Variants in TNC observed in about 807,000 individuals in gnomAD.
TNC encodes tenascin.
TNC carries 109 observed loss-of-function variants against 202.4 expected under a neutral mutation model. The ratio of observed to expected loss-of-function variants is 0.54; its 90% CI spans 0.46 to 0.63. TNC has a LOEUF of 0.63. Ranked by LOEUF, TNC falls within the 30% of genes least tolerant of loss-of-function variation. The pLI, the probability that TNC is intolerant of heterozygous loss-of-function variation, is 0.00. For synonymous variants in TNC, 1,007 were observed against 1,089.7 expected, an observed-to-expected ratio of 0.92 and a Z score of 1.50; for missense variants, 2,756 against 2,833.3, an observed-to-expected ratio of 0.97 and a Z score of 0.62.
intron 1 of TNC, among the ~76,000 whole-genome samples, chr9:115,116,064 T>C (rs1837440262): frequency 6.6e-6 from 1 of 152,206 alleles, no homozygotes; most frequent in South Asian, 2.1e-4. Flanking sequence ...GTGTTTGCCA[T>C]ATATTACCTC....
intron 16 of TNC, among the ~76,000 whole-genome samples, chr9:115,047,650 G>C (rs1294845891): frequency 6.6e-6 from 1 of 152,112 alleles, no homozygotes; most frequent in Non-Finnish European, 1.5e-5. Context: ...TGAACATTCT[G>C]TGGAGCTAGT....
At chr9:115,102,322 C>G (rs1443096866) in intron 1 of TNC, among the ~76,000 whole-genome samples, 1 of 152,204 alleles carries the variant, frequency 6.6e-6, no homozygotes, top group Non-Finnish European at 1.5e-5. Context: ...AGAATACTAT[C>G]AATCCTCCAG....
chr9:115,051,680 A>G (rs936356172), intron 15 of TNC, among the ~76,000 whole-genome samples: 1 of 152,010 alleles, frequency 6.6e-6, no homozygotes, highest in Non-Finnish European at 1.5e-5. Context: ...AAAGAAAAAG[A>G]TGGTTATACT....
rs12553939 is a variant in TNC, at chr9:115,038,193, C to T, written c.5512+68G>A. Reference sequence around the variant, plus strand: ...GTACCAAATGTGGCAGGGAGAAGAGCGAATGGGAAGAGTTTACAGCAGGAA... The same window carrying T: ...GTACCAAATGTGGCAGGGAGAAGAGTGAATGGGAAGAGTTTACAGCAGGAA... On this transcript the variant is annotated intron_variant, in intron 20 of 27. Transcript: ENST00000350763. The T allele has an allele frequency of 6.0e-3, 9,372 of 1,555,604 alleles. 40 individuals are homozygous for T. The highest frequency in any genetic ancestry group is 6.9e-3 in the Non-Finnish European group (7,903 of 1,143,958).
intron 9 of TNC, among the ~76,000 whole-genome samples, chr9:115,075,786 C>A (rs111800354): frequency 7.9e-5 from 12 of 151,888 alleles, no homozygotes; most frequent in African/African-American, 2.6e-4. Context: ...TCCATCTCAA[C>A]AACAACAACA....
rs774915816 is a variant in TNC, at chr9:115,063,848, G to T, written c.3708C>A (p.Arg1236=). 2.5e-6 allele frequency: 4 copies of T among 1,614,164 alleles called. No homozygotes were observed. The highest frequency in any genetic ancestry group is 1.6e-4 in the Middle Eastern group (1 of 6,062). The stretch of plus-strand genomic sequence containing the variant: ...TTGTGCTGAAGTCCTGAGTGACCCC[G>T]CGGATGGTGATGGTATAATGAGTGG... ...KAATHYTITI[R]GVTQDFSTTP... The change falls in exon 12 of 28, where the codon CGC becomes CGA. Residue 1236 remains arginine, a synonymous_variant. Transcript: ENST00000350763.
chr9:115,115,152 T>A (rs1292846251), intron 1 of TNC: 2 of 152,294 alleles, frequency 1.3e-5, no homozygotes, highest in East Asian at 3.9e-4. Context: ...ATTGTTAGCA[T>A]TAGAAAGGGT....
chr9:115,029,407 T>G lies in TNC; in HGVS notation c.6122A>C (p.Lys2041Thr), dbSNP rs551610318. The change falls in exon 25 of 28, where the codon AAG (lysine) becomes ACG (threonine). Residue 2041 changes from lysine (K) to threonine (T), a missense_variant. This residue lies in a region of TNC where 197 missense variants were observed against 287.3 expected (regional missense o/e 0.69). Transcript: ENST00000350763. Reference sequence around the variant, plus strand: ...GTCCCCAAATCCAGCAGCATATGCCTTCCAGTTTTGGTAGAAGTTCTCGCG... The same window carrying G: ...GTCCCCAAATCCAGCAGCATATGCCGTCCAGTTTTGGTAGAAGTTCTCGCG... ...NGRENFYQNW[K>T]AYAAGFGDRR... The G allele has an allele frequency of 1.4e-5, 22 of 1,614,154 alleles. No homozygotes were observed. In the East Asian group the frequency reaches 4.2e-4, roughly 31 times the overall value.
intron 16 of TNC, among the ~76,000 whole-genome samples, chr9:115,047,589 A>C (rs1831303563): frequency 6.6e-6 from 1 of 152,164 alleles, no homozygotes; most frequent in South Asian, 2.1e-4. Context: ...TGTTTAACTC[A>C]GTCTTTCCAA....
intron 6 of TNC, among the ~76,000 whole-genome samples, chr9:115,078,705 G>C (rs932974014): frequency 6.6e-6 from 1 of 152,080 alleles, no homozygotes; most frequent in Admixed American, 6.6e-5. Flanking sequence ...ACAGTGTATG[G>C]AAACTTATTT....
At chr9:115,084,975 C>G (rs1281018703) in intron 3 of TNC, among the ~76,000 whole-genome samples, 1 of 152,190 alleles carries the variant, frequency 6.6e-6, no homozygotes, top group Middle Eastern at 3.2e-3. Flanking sequence ...TCTTTCCAAC[C>G]AGGCTTCCCT....
At chr9:115,053,621 AT>A (rs1374076157) in intron 15 of TNC, among the ~76,000 whole-genome samples, 1 of 152,220 alleles carries the variant, frequency 6.6e-6, no homozygotes, top group Admixed American at 6.5e-5. Context: ...CTGGTGTTCC[AT>A]TGAACATGTT....
At chr9:115,040,098 A>G (rs1211763340) in intron 19 of TNC, among the ~76,000 whole-genome samples, 1 of 152,220 alleles carries the variant, frequency 6.6e-6, no homozygotes, top group Non-Finnish European at 1.5e-5. Context: ...ATTCTCCTTC[A>G]ATGCAATTCA....
intron 17 of TNC, among the ~76,000 whole-genome samples, chr9:115,044,084 T>C (rs1222275657): frequency 6.6e-6 from 1 of 152,056 alleles, no homozygotes; most frequent in African/African-American, 2.4e-5. Flanking sequence ...CAACACTGTC[T>C]CCCACTGCCC....
At chr9:115,065,685 T>G (rs1832895229) in intron 10 of TNC, among the ~76,000 whole-genome samples, 1 of 152,012 alleles carries the variant, frequency 6.6e-6, no homozygotes, top group Admixed American at 6.6e-5. Flanking sequence ...GCAGATCATA[T>G]GAGGTCAGCA....
chr9:115,043,114 T>C (rs915359381), intron 17 of TNC, among the ~76,000 whole-genome samples: 1 of 152,146 alleles, frequency 6.6e-6, no homozygotes, highest in East Asian at 1.9e-4. Flanking sequence ...TCTCTGTGTA[T>C]TTTTTGGCTG....
rs75904854 is a variant in TNC, at chr9:115,026,723, G to A, written c.6170-28C>T. The A allele has an allele frequency of 5.5e-3, 8,907 of 1,611,132 alleles. 244 individuals are homozygous for A. Among genetic ancestry groups the A allele is most frequent in the East Asian group, 0.053 (2,355 of 44,728 alleles). On this transcript the variant is annotated intron_variant, in intron 25 of 27. Transcript: ENST00000350763. ...GTGGATGACAGGCAAGGGTTGCTAA[G>A]AAGCACAGGTGACTGAGGCCCTCAT...
chr9:115,097,996 T>C (rs986846992), intron 1 of TNC, among the ~76,000 whole-genome samples: 4 of 152,186 alleles, frequency 2.6e-5, no homozygotes, highest in Non-Finnish European at 5.9e-5. Flanking sequence ...GGGTAGAATA[T>C]AGGCTTTAAT....
intron 25 of TNC, among the ~76,000 whole-genome samples, chr9:115,028,396 G>A (rs74858664): frequency 0.011 from 1,741 of 152,228 alleles, 47 homozygotes; most frequent in African/African-American, 0.039. Flanking sequence ...GGGGTGCTAT[G>A]GGGGTTAAAT....
Sources: gnomAD v4.1 joint callset for allele counts (sites outside exome capture counted in the v4.1 genomes callset) on GRCh38, gnomAD v4.1.1 for gene constraint, gnomAD v4.1.1 regional missense constraint, MANE v1.5 for transcripts, NCBI Gene and HGNC (gene_info 2026-07-23, HGNC 2026-07-21) for gene names.